THSD4: variants seen among roughly 807,000 people sequenced by gnomAD.
THSD4 encodes thrombospondin type-1 domain-containing protein 4.
In THSD4, 69 loss-of-function variants were observed where a neutral mutation model predicts 119.0. The ratio of observed to expected loss-of-function variants is 0.58; its 90% CI spans 0.48 to 0.71. The LOEUF (loss-of-function observed/expected upper bound fraction) is 0.71, where lower values mean the gene tolerates loss of function less well. Ranked by LOEUF, THSD4 falls within the 30% of genes least tolerant of loss-of-function variation. The pLI, the probability that THSD4 is intolerant of heterozygous loss-of-function variation, is 0.00. For synonymous variants in THSD4, 524 were observed against 540.4 expected (o/e 0.97, Z 0.42); for missense variants, 1,393 against 1,391.1 (o/e 1.00, Z -0.02).
upstream of THSD4, among the ~76,000 whole-genome samples, chr15:71,112,530 T>C (rs755781386): frequency 4.6e-5 from 7 of 152,138 alleles, no homozygotes; most frequent in South Asian, 6.2e-4. Flanking sequence ...CTAAGAACAA[T>C]GTGGCTATTT....
intron 7 of THSD4, among the ~76,000 whole-genome samples, chr15:71,625,003 T>A (rs547283475): frequency 3.7e-4 from 25 of 67,418 alleles, no homozygotes; most frequent in Admixed American, 1.2e-3. Flanking sequence ...TGTTGTTTTG[T>A]TTGTTTGTTT....
intron 1 of THSD4, among the ~76,000 whole-genome samples, chr15:71,130,456 G>T (rs1280255925): frequency 6.6e-6 from 1 of 152,112 alleles, no homozygotes; most frequent in African/African-American, 2.4e-5. Flanking sequence ...GAAGTGCTGG[G>T]ATTACAGGCA....
At chr15:71,740,442 A>G (rs2053212595) in intron 11 of THSD4, among the ~76,000 whole-genome samples, 1 of 152,218 alleles carries the variant, frequency 6.6e-6, no homozygotes, top group South Asian at 2.1e-4. Context: ...AAAGTCATAA[A>G]AAGGATGAAA....
At chr15:71,678,556 T>G (rs1595856497) in intron 8 of THSD4, among the ~76,000 whole-genome samples, 2 of 152,356 alleles carry the variant, frequency 1.3e-5, no homozygotes, top group Non-Finnish European at 2.9e-5. Flanking sequence ...TCTAGGCACA[T>G]TGTGCTCTTC....
intron 3 of THSD4, chr15:71,186,547 G>A (rs585705): frequency 1.3e-5 from 2 of 152,262 alleles, no homozygotes; most frequent in African/African-American, 4.8e-5. Flanking sequence ...ACAGCTGGGC[G>A]TCTCTGGGAA....
intron 11 of THSD4, among the ~76,000 whole-genome samples, chr15:71,739,899 C>A (rs572196361): frequency 6.6e-6 from 1 of 150,898 alleles, no homozygotes; most frequent in Non-Finnish European, 1.5e-5. Flanking sequence ...AAGTTTGGAA[C>A]CTCTCACAAA....
chr15:71,559,606 T>C (rs1011009770), intron 7 of THSD4, among the ~76,000 whole-genome samples: 6 of 152,046 alleles, frequency 3.9e-5, no homozygotes. Context: ...CAAGTAATTT[T>C]TCTAGACCTC....
chr15:71,524,620 C>G (rs1482910829), intron 7 of THSD4, among the ~76,000 whole-genome samples: 1 of 86,486 alleles, frequency 1.2e-5, no homozygotes, highest in Non-Finnish European at 2.2e-5. Context: ...TTTTTTGAGA[C>G]GAGTCTCTAT....
intron 8 of THSD4, among the ~76,000 whole-genome samples, chr15:71,666,878 T>G (rs1228762090): frequency 2.0e-5 from 3 of 152,192 alleles, no homozygotes; most frequent in African/African-American, 7.2e-5. Flanking sequence ...TCTGAAGGCT[T>G]TGGGTCTGGC....
chr15:71,120,581 C>T (rs906523432), intron 1 of THSD4, among the ~76,000 whole-genome samples: 1 of 152,220 alleles, frequency 6.6e-6, no homozygotes, highest in African/African-American at 2.4e-5. Flanking sequence ...CCTGCTCCAC[C>T]CTCCTGGCCC....
chr15:71,257,918 C>T (rs993172464), intron 6 of THSD4, among the ~76,000 whole-genome samples: 7 of 152,020 alleles, frequency 4.6e-5, no homozygotes, highest in South Asian at 4.2e-4. Context: ...GCACATACAA[C>T]GGGTGGGGAA....
At chr15:71,604,389 C>G (rs927139309) in intron 7 of THSD4, among the ~76,000 whole-genome samples, 1 of 152,164 alleles carries the variant, frequency 6.6e-6, no homozygotes, top group Non-Finnish European at 1.5e-5. Context: ...TATTGTCACA[C>G]AGTTTTATCG....
intron 7 of THSD4, among the ~76,000 whole-genome samples, chr15:71,570,702 G>A (rs1248443000): frequency 6.6e-6 from 1 of 152,234 alleles, no homozygotes; most frequent in Non-Finnish European, 1.5e-5. Flanking sequence ...AGCTGAGTTT[G>A]TTCAGGTGAG....
intron 3 of THSD4, among the ~76,000 whole-genome samples, chr15:71,194,950 C>G (rs532949392): frequency 1.3e-5 from 2 of 152,232 alleles, no homozygotes; most frequent in African/African-American, 4.8e-5. Flanking sequence ...AGGAATGAAG[C>G]ACAGCCTGGT....
At chr15:71,317,284 G>A (rs1020753077) in intron 6 of THSD4, among the ~76,000 whole-genome samples, 21 of 152,208 alleles carry the variant, frequency 1.4e-4, no homozygotes. Flanking sequence ...TGAAGATGGT[G>A]TATTAGTCCA....
chr15:71,698,670 A>G lies in THSD4; in HGVS notation c.1358-29879A>G, dbSNP rs555259680. On this transcript the variant is annotated intron_variant, in intron 8 of 17. Coordinates refer to ENST00000261862, the MANE Select transcript of THSD4 (RefSeq NM_024817.3). Reference sequence around the variant, plus strand: ...ATACATGAAATATATACATGCATGTATATATTTCACAAGTTCTTCATCCAT... The same window carrying G: ...ATACATGAAATATATACATGCATGTGTATATTTCACAAGTTCTTCATCCAT... Among the ~76,000 whole-genome samples the G allele has an allele frequency of 4.0e-5, 6 of 150,480 alleles. No individual in the cohort carries two copies. In the East Asian group the frequency reaches 1.2e-3, roughly 30 times the overall value.
rs1447751115 is a variant in THSD4 at position 71,333,076 on chromosome 15, G to C, written c.1015+76361G>C. 3.3e-5 allele frequency among the ~76,000 whole-genome samples: 5 copies of C among 151,658 alleles called. No individual in the cohort carries two copies. In the East Asian group the frequency reaches 9.7e-4, roughly 29 times the overall value. On this transcript the variant is annotated intron_variant, in intron 6 of 17. Coordinates refer to ENST00000261862, the MANE Select transcript of THSD4 (RefSeq NM_024817.3). Reference sequence around the variant, plus strand: ...TCCCCCCTTTTAGGCCTCCCTAATAGTGCTGTTCCTATGGGGAGGCTGGGA... The same window carrying C: ...TCCCCCCTTTTAGGCCTCCCTAATACTGCTGTTCCTATGGGGAGGCTGGGA...
At chr15:71,451,181 G>GA (rs1194465496) in intron 7 of THSD4, among the ~76,000 whole-genome samples, 4 of 151,564 alleles carry the variant, frequency 2.6e-5, no homozygotes, top group African/African-American at 7.3e-5. Context: ...CCCTCTCAAA[G>GA]AAAAAAAAGG....
At chr15:71,672,703 G>GTTGAATT (rs2051557911) in intron 8 of THSD4, among the ~76,000 whole-genome samples, 1 of 152,178 alleles carries the variant, frequency 6.6e-6, no homozygotes, top group Non-Finnish European at 1.5e-5. Flanking sequence ...ATGAAGTGCT[G>GTTGAATT]TTGAATTTTG....
Sources: allele counts gnomAD v4.1 joint callset (sites outside exome capture counted in the v4.1 genomes callset), GRCh38; gene constraint gnomAD v4.1.1; transcripts MANE v1.5; gene names NCBI Gene and HGNC (gene_info 2026-07-23, HGNC 2026-07-21).